The following MBNL2 variants were observed in gnomAD, a reference collection of about 807,000 sequenced individuals.
The protein encoded by MBNL2 is muscleblind-like protein 2.
Under a neutral mutation model 41.9 loss-of-function variants are expected in MBNL2, and 17 were observed. The ratio of observed to expected loss-of-function variants is 0.41; its 90% CI spans 0.28 to 0.61. The LOEUF is 0.61. Ranked by LOEUF, MBNL2 falls within the 20% of genes least tolerant of loss-of-function variation. MBNL2 has a pLI of 0.35. For missense variants in MBNL2, 336 were observed against 505.6 expected (o/e 0.66, Z 3.22); for synonymous variants, 195 against 182.9 (o/e 1.07, Z -0.53).
the MBNL2 span, among the ~76,000 whole-genome samples, chr13:97,153,855 T>C: frequency 6.6e-6 from 1 of 152,202 alleles, no homozygotes; most frequent in Non-Finnish European, 1.5e-5. Flanking sequence ...TGTGCTGGCT[T>C]CCAAACATGT....
the MBNL2 span, among the ~76,000 whole-genome samples, chr13:97,189,883 G>T: frequency 6.6e-6 from 1 of 152,210 alleles, no homozygotes; most frequent in Admixed American, 6.5e-5. Context: ...CACAGCATGT[G>T]CAGCTGGTGA....
chr13:97,375,712 A>G (rs1419326431), intron 8 of MBNL2, among the ~76,000 whole-genome samples: 1 of 152,164 alleles, frequency 6.6e-6, no homozygotes, highest in African/African-American at 2.4e-5. Context: ...CATCTGTCTG[A>G]CTTTGAAGTC....
At chr13:97,307,578 G>A (rs934464455) in intron 2 of MBNL2, among the ~76,000 whole-genome samples, 7 of 152,034 alleles carry the variant, frequency 4.6e-5, no homozygotes, top group African/African-American at 1.7e-4. Context: ...AAAATATTTA[G>A]TCCACAACAG....
chr13:97,228,472 A>G (rs2041954409), intron 1 of MBNL2, among the ~76,000 whole-genome samples: 1 of 151,790 alleles, frequency 6.6e-6, no homozygotes, highest in African/African-American at 2.4e-5. Flanking sequence ...TGTACTAGTG[A>G]TAGTAACATA....
At chr13:97,343,652 G>A (rs927933486) in intron 4 of MBNL2, among the ~76,000 whole-genome samples, 1 of 152,192 alleles carries the variant, frequency 6.6e-6, no homozygotes, top group Non-Finnish European at 1.5e-5. Context: ...ACTGGTGGGA[G>A]TAAGTGGGAC....
chr13:97,152,268 C>CAATAAATGA, the MBNL2 span, among the ~76,000 whole-genome samples: 1 of 151,144 alleles, frequency 6.6e-6, no homozygotes, highest in Non-Finnish European at 1.5e-5. Context: ...GGGGAAAAGG[C>CAATAAATGA]AATAAATGAA....
chr13:97,273,729 C>G (rs2051565290), intron 1 of MBNL2, among the ~76,000 whole-genome samples: 1 of 152,208 alleles, frequency 6.6e-6, no homozygotes, highest in Non-Finnish European at 1.5e-5. Flanking sequence ...TGAGGCTTCT[C>G]CCTTATAAGG....
intron 1 of MBNL2, among the ~76,000 whole-genome samples, chr13:97,234,030 G>C (rs1159496641): frequency 6.6e-6 from 1 of 152,192 alleles, no homozygotes; most frequent in Admixed American, 6.5e-5. Context: ...AGGCATCTGA[G>C]GGATTATTAG....
At chr13:97,250,607 C>T (rs2046332213) in intron 1 of MBNL2, among the ~76,000 whole-genome samples, 1 of 152,072 alleles carries the variant, frequency 6.6e-6, no homozygotes, top group African/African-American at 2.4e-5. Context: ...ATCTTTCCAT[C>T]AGTCATTTTG....
At chr13:97,385,085 T>C (rs1398172679) in intron 8 of MBNL2, among the ~76,000 whole-genome samples, 1 of 152,242 alleles carries the variant, frequency 6.6e-6, no homozygotes, top group Non-Finnish European at 1.5e-5. Context: ...CTCCCATGAA[T>C]GGTCTGGTGG....
At chr13:97,177,340 C>G in the MBNL2 span, among the ~76,000 whole-genome samples, 2 of 151,536 alleles carry the variant, frequency 1.3e-5, no homozygotes, top group African/African-American at 2.4e-5. Flanking sequence ...GACTCTGTCT[C>G]CAAAGAAAAA....
chr13:97,206,455 G>A, the MBNL2 span, among the ~76,000 whole-genome samples: 2 of 152,070 alleles, frequency 1.3e-5, no homozygotes, highest in African/African-American at 2.4e-5. Context: ...TGATAATTAG[G>A]TTTGGCTGTG....
chr13:97,254,232 G>C (rs1051431306), intron 1 of MBNL2, among the ~76,000 whole-genome samples: 1 of 152,174 alleles, frequency 6.6e-6, no homozygotes, highest in Admixed American at 6.5e-5. Flanking sequence ...ATTAAATGCT[G>C]CTGAGTAAGA....
intron 8 of MBNL2, among the ~76,000 whole-genome samples, chr13:97,375,841 G>C (rs1279913144): frequency 2.0e-5 from 3 of 152,200 alleles, no homozygotes; most frequent in African/African-American, 7.2e-5. Context: ...AGCTGTGATT[G>C]TGTCAGATCT....
the MBNL2 span, among the ~76,000 whole-genome samples, chr13:97,142,624 C>G: frequency 6.6e-6 from 1 of 152,242 alleles, no homozygotes; most frequent in Non-Finnish European, 1.5e-5. Flanking sequence ...ATTGGTCATG[C>G]ACGCCTCCAC....
the MBNL2 span, among the ~76,000 whole-genome samples, chr13:97,161,709 T>C: frequency 4.6e-5 from 7 of 152,180 alleles, no homozygotes; most frequent in Non-Finnish European, 8.8e-5. Flanking sequence ...ACTGATAGAA[T>C]ATAAACATTC....
At chr13:97,219,644 C>T (rs1321075746), upstream of MBNL2, among the ~76,000 whole-genome samples, 1 of 152,142 alleles carries the variant, frequency 6.6e-6, no homozygotes, top group African/African-American at 2.4e-5. Flanking sequence ...GTGAAGACTC[C>T]ACCCTCACGA....
the MBNL2 span, among the ~76,000 whole-genome samples, chr13:97,183,411 A>G: frequency 6.6e-6 from 1 of 152,234 alleles, no homozygotes; most frequent in East Asian, 1.9e-4. Context: ...GCACTCATAA[A>G]ATGTCTTCCC....
At chr13:97,391,204 A>G in intron 8 of MBNL2, 118 bp from the exon 9 acceptor site, 1 of 625,514 alleles carries the variant, frequency 1.6e-6, no homozygotes. Context: ...CATCAAAATA[A>G]TGAGAGATTG....
Sources: allele counts gnomAD v4.1 joint callset (sites outside exome capture counted in the v4.1 genomes callset), GRCh38; gene constraint gnomAD v4.1.1; transcripts MANE v1.5; gene names NCBI Gene and HGNC (gene_info 2026-07-23, HGNC 2026-07-21).